The following SLC22A11 variants were observed in gnomAD, a reference collection of about 807,000 sequenced individuals.
SLC22A11 encodes the protein solute carrier family 22 member 11.
In SLC22A11, 42 loss-of-function variants were observed where a neutral mutation model predicts 49.4. The observed-to-expected ratio is 0.85, with a 90% confidence interval of 0.66 to 1.10. The LOEUF (loss-of-function observed/expected upper bound fraction) is 1.10, where lower values mean the gene tolerates loss of function less well. Among genes scored for constraint, SLC22A11 ranks in the 50% least tolerant of loss-of-function variants. The pLI is 0.00. For synonymous variants in SLC22A11, 304 were observed against 315.8 expected, an observed-to-expected ratio of 0.96 and a Z score of 0.40; for missense variants, 685 against 731.6, an observed-to-expected ratio of 0.94 and a Z score of 0.74.
intron 7 of SLC22A11, 78 bp downstream of exon 7, chr11:64,567,891 C>A (rs902368890): frequency 7.7e-6 from 11 of 1,427,108 alleles, no homozygotes; most frequent in Non-Finnish European, 1.0e-5. Flanking sequence ...GGGGCCACAT[C>A]CCCTCCCTGG....
Position 64,564,205 on chromosome 11 carries a change from A to G in SLC22A11, c.822-103A>G, listed in dbSNP as rs114737986. The G allele has an allele frequency of 1.9e-3, 2,665 of 1,428,044 alleles. 34 individuals carry two copies. In the African/African-American group the frequency reaches 0.027, roughly 15 times the overall value. The allele number at this position is 1,428,044 out of a possible 1,614,324, so 88.5% of individuals were successfully genotyped here. Reference sequence around the variant, plus strand: ...GCGGCACAGAAGCATGTGCTTCCTCATCACTCATCTCAGCTGGAGGGTCCG... The same window carrying G: ...GCGGCACAGAAGCATGTGCTTCCTCGTCACTCATCTCAGCTGGAGGGTCCG... On this transcript the variant is annotated intron_variant, in intron 4 of 9. Coordinates refer to ENST00000301891, the MANE Select transcript of SLC22A11 (RefSeq NM_018484.4). The surrounding 1 kb of genome is among the most constrained non-coding windows in gnomAD (Gnocchi z 4.2).
At chr11:64,560,758 T>C (rs1375276934) in intron 2 of SLC22A11, among the ~76,000 whole-genome samples, 1 of 152,138 alleles carries the variant, frequency 6.6e-6, no homozygotes, top group East Asian at 1.9e-4. Flanking sequence ...GGGACTGTGC[T>C]CCAGAGCCCA....
intron 1 of SLC22A11, among the ~76,000 whole-genome samples, chr11:64,557,882 C>G (rs1386960680): frequency 1.3e-5 from 2 of 151,296 alleles, no homozygotes; most frequent in African/African-American, 4.9e-5. Context: ...ACTGCAACCT[C>G]CACCTTCTGG....
In SLC22A11 at chr11:64,556,085, T is replaced by C. The variant is rs11231819; in HGVS notation, c.86T>C (p.Leu29Pro). 26 of 1,613,968 alleles carry C rather than the reference T, an allele frequency of 1.6e-5. No homozygotes were observed. The highest frequency in any genetic ancestry group is 1.6e-4 in the Middle Eastern group (1 of 6,084). Residue 29 changes from leucine (L) to proline (P), a missense_variant, in exon 1 of 10, where the codon CTC becomes CCC. Transcript: ENST00000301891. ...LQVLTFILPC[L>P]MIPSQMLLEN... ...GTGCTCACCTTCATCCTCCCCTGCCTCATGATACCTTCCCAGATGCTCCTG... is the reference window on the plus strand; with the variant it reads ...GTGCTCACCTTCATCCTCCCCTGCCCCATGATACCTTCCCAGATGCTCCTG...
At chr11:64,556,419 G>A in intron 1 of SLC22A11, 27 bp downstream of exon 1, 1 of 1,605,120 alleles carries the variant, frequency 6.2e-7, no homozygotes, top group African/African-American at 1.3e-5. Context: ...AGCCACTCGA[G>A]TCCCGTCACC....
In SLC22A11 at chr11:64,567,629, G is replaced by A. The variant is rs1394048549; in HGVS notation, c.1089G>A (p.Leu363=). The change falls in exon 7 of 10, where the codon CTG becomes CTA. Residue 363 remains leucine, a synonymous_variant. Coordinates refer to ENST00000301891, the MANE Select transcript of SLC22A11 (RefSeq NM_018484.4). ...NFSLLISYYG[L]VFDLQSLGRD... ...CTCTATTGATCTCCTACTATGGGCT[G>A]GTCTTCGACCTGCAGAGCCTGGGCC... 1 of 1,614,106 alleles carries A rather than the reference G, an allele frequency of 6.2e-7. No homozygotes were observed. Among genetic ancestry groups the A allele is most frequent in the East Asian group, 2.2e-5 (1 of 44,880 alleles).
chr11:64,569,096 C>T (rs568665546), intron 8 of SLC22A11, among the ~76,000 whole-genome samples: 1 of 152,328 alleles, frequency 6.6e-6, no homozygotes, highest in African/African-American at 2.4e-5. Flanking sequence ...TCCCACCACT[C>T]CTTCCCTGCC....
Position 64,569,735 on chromosome 11 carries a change from T to C in SLC22A11, c.1466T>C (p.Leu489Pro), listed in dbSNP as rs1377797716. Residue 489 changes from leucine to proline, a missense_variant, in exon 9 of 10, where the codon CTG (leucine) becomes CCG (proline). Coordinates refer to ENST00000301891, the MANE Select transcript of SLC22A11 (RefSeq NM_018484.4). ...CTGATCCTGATGAGCCGCCAAGCCC[T>C]GCCCCTGCTGCCTCCTCTCCTCTAT... The part of the protein sequence containing the change: ...GPLILMSRQA[L>P]PLLPPLLYGV... The C allele has an allele frequency of 6.2e-7, 1 of 1,614,188 alleles. No individual in the cohort carries two copies. The highest frequency in any genetic ancestry group is 1.1e-5 in the South Asian group (1 of 91,080).
Position 64,565,416 on chromosome 11 carries a change from C to T in SLC22A11, c.1058+79C>T, listed in dbSNP as rs1004600180. On this transcript the variant is annotated intron_variant, in intron 6 of 9. Transcript: ENST00000301891. The surrounding 1 kb of genome is among the most constrained non-coding windows in gnomAD (Gnocchi z 4.1). Reference sequence around the variant, plus strand: ...GAGCTGGGACAGGCAGGAGGCAGAGCGTCCAGGGGAAACAGCACCCGCAGG... The same window carrying T: ...GAGCTGGGACAGGCAGGAGGCAGAGTGTCCAGGGGAAACAGCACCCGCAGG... The T allele has an allele frequency of 1.1e-5, 13 of 1,231,392 alleles. No individual in the cohort carries two copies. Among genetic ancestry groups the T allele is most frequent in the Middle Eastern group, 2.0e-4 (1 of 4,986 alleles). 76.3% of individuals were successfully genotyped at this position (1,231,392 alleles called of 1,614,324 possible).
chr11:64,564,466 G>A lies in SLC22A11; in HGVS notation c.942+38G>A, dbSNP rs770670723. ...TGTCTGCGAGACTTGACCTGGGACA[G>A]GACGTGCACTGAGGGATCATCCGTG... On this transcript the variant is annotated intron_variant, in intron 5 of 9. Coordinates refer to ENST00000301891, the MANE Select transcript of SLC22A11 (RefSeq NM_018484.4). This position sits in a 1 kb window ranked among gnomAD's most constrained non-coding sequence, Gnocchi z 4.2. 96 of 1,608,942 alleles carry A rather than the reference G, an allele frequency of 6.0e-5. No homozygotes were observed. Among genetic ancestry groups the A allele is most frequent in the Non-Finnish European group, 7.8e-5 (92 of 1,176,834 alleles).
chr11:64,569,057 C>T (rs909614863), intron 8 of SLC22A11, among the ~76,000 whole-genome samples: 1 of 152,316 alleles, frequency 6.6e-6, no homozygotes, highest in East Asian at 1.9e-4. Flanking sequence ...AAGAGCTGCC[C>T]TGGTAGCAGT....
Position 64,571,158 on chromosome 11 carries a change from C to T in SLC22A11, c.*116C>T, listed in dbSNP as rs192105083. 3.3e-4 allele frequency: 396 copies of T among 1,183,026 alleles called. No individual in the cohort carries two copies. In the African/African-American group the frequency reaches 5.7e-3, roughly 17 times the overall value. 73.3% of individuals were successfully genotyped at this position (1,183,026 alleles called of 1,614,324 possible). ...CTTCAAGGGCCTGGCATGGCAGAGG[C>T]CAGGCAGCCGTGGCCGAGTGGACAG... On this transcript the variant is annotated 3_prime_UTR_variant, in exon 10 of 10. Coordinates refer to ENST00000301891, the MANE Select transcript of SLC22A11 (RefSeq NM_018484.4).
At chr11:64,559,834 G>C (rs913360803) in intron 2 of SLC22A11, among the ~76,000 whole-genome samples, 1 of 152,132 alleles carries the variant, frequency 6.6e-6, no homozygotes, top group Admixed American at 6.6e-5. Flanking sequence ...TGATGGGCAC[G>C]CCAGGGCCAG....
At chr11:64,560,527 G>A (rs923333189) in intron 2 of SLC22A11, among the ~76,000 whole-genome samples, 1 of 152,182 alleles carries the variant, frequency 6.6e-6, no homozygotes, top group Non-Finnish European at 1.5e-5. Flanking sequence ...TCACCCAGAA[G>A]CTCTTGCCTA....
At position 64,562,180 on chromosome 11, in the gene SLC22A11, C is replaced by T; in HGVS notation, c.652+22C>T. 2.5e-6 allele frequency: 4 copies of T among 1,610,034 alleles called. No individual in the cohort carries two copies. Among genetic ancestry groups the T allele is most frequent in the Non-Finnish European group, 3.4e-6 (4 of 1,177,408 alleles). The stretch of plus-strand genomic sequence containing the variant: ...CTGAGTGAGTCCCCGGCTCAGCGCG[C>T]TCCTGCCATGGGGGCGGGGGTGGCA... On this transcript the variant is annotated intron_variant, in intron 3 of 9. Transcript: ENST00000301891. The surrounding 1 kb of genome is among the most constrained non-coding windows in gnomAD (Gnocchi z 4.4).
chr11:64,560,061 T>C (rs1434163335), intron 2 of SLC22A11, among the ~76,000 whole-genome samples: 1 of 149,556 alleles, frequency 6.7e-6, no homozygotes, highest in Non-Finnish European at 1.5e-5. Context: ...GCTGATTCCT[T>C]GCCACGCCCC....
Position 64,567,626 on chromosome 11 carries a change from G to T in SLC22A11, c.1086G>T (p.Gly362=). 1.2e-6 allele frequency: 2 copies of T among 1,614,082 alleles called. No homozygotes were observed. The highest frequency in any genetic ancestry group is 1.7e-6 in the Non-Finnish European group (2 of 1,180,032). The change falls in exon 7 of 10, where the codon GGG becomes GGT. Residue 362 remains glycine, a synonymous_variant. Coordinates refer to ENST00000301891, the MANE Select transcript of SLC22A11 (RefSeq NM_018484.4). ...TCTCTCTATTGATCTCCTACTATGG[G>T]CTGGTCTTCGACCTGCAGAGCCTGG... is the stretch of plus-strand genomic sequence containing the variant. The part of the protein sequence containing the change: ...VNFSLLISYY[G]LVFDLQSLGR...
In SLC22A11 at chr11:64,567,824, C is replaced by T. The variant is rs746433955; in HGVS notation, c.1273+11C>T. The T allele has an allele frequency of 2.6e-6, 4 of 1,563,516 alleles. No homozygotes were observed. The highest frequency in any genetic ancestry group is 1.1e-5 in the South Asian group (1 of 87,072). On this transcript the variant is annotated intron_variant, in intron 7 of 9. Transcript: ENST00000301891. The stretch of plus-strand genomic sequence containing the variant: ...TGCTGGTGCCGCAAGGTGAGGCAGG[C>T]GGACTGGGCGGTGGGACCGGGCCCT...
Position 64,571,061 on chromosome 11 carries a change from G to C in SLC22A11, c.*19G>C, listed in dbSNP as rs1182355414. The C allele has an allele frequency of 6.2e-7, 1 of 1,614,008 alleles. No individual in the cohort carries two copies. The highest frequency in any genetic ancestry group is 8.5e-7 in the Non-Finnish European group (1 of 1,179,860). ...GCTCTAGAAATTGTGCCTGCATGGA[G>C]CCCCTTTAGTCAAAGACTCCTGGAA... is the stretch of plus-strand genomic sequence containing the variant. On this transcript the variant is annotated 3_prime_UTR_variant, in exon 10 of 10. Transcript: ENST00000301891.
Sources: gnomAD v4.1 joint callset for allele counts (sites outside exome capture counted in the v4.1 genomes callset) on GRCh38, gnomAD v4.1.1 for gene constraint, Gnocchi (gnomAD v3.1) non-coding constraint, MANE v1.5 for transcripts, NCBI Gene and HGNC (gene_info 2026-07-23, HGNC 2026-07-21) for gene names.